Variants in SMARCA5 observed in about 807,000 individuals in gnomAD.
SMARCA5 encodes SWI/SNF-related matrix-associated actin-dependent regulator of chromatin subfamily A member 5.
A neutral mutation model predicts 140.4 loss-of-function variants in SMARCA5; 18 were observed. That is an observed-to-expected ratio of 0.13 (90% CI 0.09 to 0.19). The LOEUF (loss-of-function observed/expected upper bound fraction) is 0.19. Ranked by LOEUF, SMARCA5 falls within the 10% of genes least tolerant of loss-of-function variation. SMARCA5 has a pLI of 1.00. For synonymous variants in SMARCA5, 449 were observed against 419.6 expected, an observed-to-expected ratio of 1.07 and a Z score of -0.86; for missense variants, 606 against 1,276.8, an observed-to-expected ratio of 0.47 and a Z score of 8.01.
chr4:143,526,161 A>G, intron 5 of SMARCA5, 120 bp from the exon 6 acceptor site: 1 of 815,128 alleles, frequency 1.2e-6, no homozygotes, highest in East Asian at 2.6e-5. Flanking sequence ...AGTTTTTGCC[A>G]TTTATTAACT....
At chr4:143,525,401 C>T (rs150842621) in intron 4 of SMARCA5, 50 bp from the exon 5 acceptor site, 22,425 of 1,090,582 alleles carry the variant, frequency 0.021, 298 homozygotes, top group South Asian at 0.03. Flanking sequence ...AAGAGATTGC[C>T]TTGTATTTCT....
chr4:143,516,706 T>A (rs1341882721), intron 1 of SMARCA5, among the ~76,000 whole-genome samples: 1 of 142,764 alleles, frequency 7.0e-6, no homozygotes, highest in African/African-American at 2.6e-5. Flanking sequence ...GATTTGTGCA[T>A]CATTAATGAA....
At chr4:143,526,222 T>TAA in intron 5 of SMARCA5, 59 bp from the exon 6 acceptor site, 1 of 1,337,530 alleles carries the variant, frequency 7.5e-7, no homozygotes, top group Non-Finnish European at 1.1e-6. Context: ...TTGGGAGGTA[T>TAA]AATTGTGAAA....
intron 6 of SMARCA5, 33 bp from the exon 7 acceptor site, chr4:143,527,835 T>C (rs1220319467): frequency 1.9e-6 from 3 of 1,569,332 alleles, no homozygotes; most frequent in Non-Finnish European, 2.6e-6. Context: ...AGTTTATTTC[T>C]ACGTGATGTA....
chr4:143,524,516 C>T (rs1265705283), intron 4 of SMARCA5, 49 bp downstream of exon 4: 3 of 1,213,614 alleles, frequency 2.5e-6, no homozygotes, highest in Admixed American at 1.8e-5. Flanking sequence ...TTTGAGATCT[C>T]CTTTGGTTAA....
rs181134000 is a variant in SMARCA5, at chr4:143,514,201, T to A, written c.177+100T>A. 6 of 1,113,472 alleles carry A rather than the reference T, an allele frequency of 5.4e-6. No individual in the cohort carries two copies. In the African/African-American group the frequency reaches 9.6e-5, roughly 18 times the overall value. 69.0% of individuals were successfully genotyped at this position (1,113,472 alleles called of 1,614,324 possible). A position where few individuals can be genotyped will look rare whatever the true frequency, so the allele number is the denominator to read the frequency against. ...TCGGACGCAGAGCCGGGTTTCTCTC[T>A]CTGCACCAGACTCAGCTTCACACCC... On this transcript the variant is annotated intron_variant, in intron 1 of 23. Transcript: ENST00000283131.
intron 11 of SMARCA5, among the ~76,000 whole-genome samples, chr4:143,537,470 G>A (rs1404604609): frequency 3.3e-5 from 5 of 152,066 alleles, no homozygotes; most frequent in Non-Finnish European, 7.4e-5. Context: ...CAGTGAATGG[G>A]TTTACTTTTT....
chr4:143,537,844 G>GGA (rs1159315855), intron 11 of SMARCA5, among the ~76,000 whole-genome samples: 3 of 151,520 alleles, frequency 2.0e-5, no homozygotes, highest in Admixed American at 2.0e-4. Flanking sequence ...CTTGAACCTG[G>GGA]GAGGCAGAGG....
intron 6 of SMARCA5, among the ~76,000 whole-genome samples, chr4:143,526,731 C>T (rs772184603): frequency 3.3e-5 from 5 of 151,640 alleles, no homozygotes; most frequent in East Asian, 1.9e-4. Flanking sequence ...TGTGGTGGCA[C>T]GCATGGCCTG....
At chr4:143,532,873 A>C (rs2149820790) in intron 9 of SMARCA5, among the ~76,000 whole-genome samples, 1 of 152,262 alleles carries the variant, frequency 6.6e-6, no homozygotes, top group South Asian at 2.1e-4. Flanking sequence ...CTAGAAGAGA[A>C]CCGGTGGGGC....
At chr4:143,525,407 T>C (rs1264976452) in intron 4 of SMARCA5, 44 bp from the exon 5 acceptor site, 13 of 1,183,140 alleles carry the variant, frequency 1.1e-5, no homozygotes, top group Non-Finnish European at 1.1e-5. Flanking sequence ...TTGCCTTGTA[T>C]TTCTTGTCTT....
At chr4:143,517,265 T>C in intron 1 of SMARCA5, 90 bp from the exon 2 acceptor site, 1 of 837,870 alleles carries the variant, frequency 1.2e-6, no homozygotes, top group Non-Finnish European at 1.8e-6. Context: ...GAATGTATTA[T>C]TTAAGATGTG....
intron 3 of SMARCA5, among the ~76,000 whole-genome samples, chr4:143,522,056 C>CTG: frequency 6.6e-6 from 1 of 152,240 alleles, no homozygotes; most frequent in East Asian, 1.9e-4. Context: ...GCTTGTTTAA[C>CTG]ATCACATTGA....
intron 10 of SMARCA5, 38 bp downstream of exon 10, chr4:143,535,002 T>G: frequency 7.5e-7 from 1 of 1,333,576 alleles, no homozygotes; most frequent in Non-Finnish European, 1.0e-6. Context: ...CACTATTGAT[T>G]CTTCCCTAAA....
rs533219870 is a variant in SMARCA5 at position 143,542,170 on chromosome 4, T to C, written c.1904-1339T>C. Among the ~76,000 whole-genome samples, 3 of 152,294 alleles carry C rather than the reference T, an allele frequency of 2.0e-5. No homozygotes were observed. The East Asian group carries it at 5.8e-4, about 29-fold the overall frequency. On this transcript the variant is annotated intron_variant, in intron 14 of 23. Transcript: ENST00000283131. Reference sequence around the variant, plus strand: ...CACCACGCCTGTCCAAAACACTTTTTTTAAAGATAAAAAAGACCTTAATTG... The same window carrying C: ...CACCACGCCTGTCCAAAACACTTTTCTTAAAGATAAAAAAGACCTTAATTG...
At chr4:143,525,411 T>C (rs1165815405) in intron 4 of SMARCA5, 40 bp from the exon 5 acceptor site, 3 of 1,228,664 alleles carry the variant, frequency 2.4e-6, no homozygotes, top group Non-Finnish European at 3.6e-6. Flanking sequence ...CTTGTATTTC[T>C]TGTCTTAAAA....
intron 10 of SMARCA5, among the ~76,000 whole-genome samples, chr4:143,535,971 T>C (rs1208212747): frequency 6.6e-6 from 1 of 152,150 alleles, no homozygotes; most frequent in Admixed American, 6.5e-5. Context: ...ATTCATATTA[T>C]TCTCATCATC....
In SMARCA5 at chr4:143,554,967, G is replaced by T. The variant is rs769674972; in HGVS notation, c.*1783G>T. On this transcript the variant is annotated 3_prime_UTR_variant, in exon 24 of 24. Coordinates refer to ENST00000283131, the MANE Select transcript of SMARCA5 (RefSeq NM_003601.4). The stretch of plus-strand genomic sequence containing the variant: ...TCACTTGAAAAAAAAGCATGAACCA[G>T]CTAGGCCCTGCCACCACTGTGTTTG... 9.3e-6 allele frequency: 4 copies of T among 431,882 alleles called. No homozygotes were observed. Among genetic ancestry groups the T allele is most frequent in the African/African-American group, 6.1e-5 (3 of 49,174 alleles). 26.8% of individuals were successfully genotyped at this position (431,882 alleles called of 1,614,324 possible). A position where few individuals can be genotyped will look rare whatever the true frequency, so the allele number is the denominator to read the frequency against.
chr4:143,543,768 G>A (rs2149823959), intron 15 of SMARCA5, 85 bp from the exon 16 acceptor site: 2 of 1,515,314 alleles, frequency 1.3e-6, no homozygotes, highest in East Asian at 4.6e-5. Context: ...AGAAGCTTTT[G>A]TGTACGTGAA....
Sources: allele counts gnomAD v4.1 joint callset (sites outside exome capture counted in the v4.1 genomes callset), GRCh38; gene constraint gnomAD v4.1.1; transcripts MANE v1.5; gene names NCBI Gene and HGNC (gene_info 2026-07-23, HGNC 2026-07-21).